The following SLC60A2 variants were observed in gnomAD, a reference collection of about 807,000 sequenced individuals.
SLC60A2 encodes the protein major facilitator superfamily domain containing 4B.
the SLC60A2 span, among the ~76,000 whole-genome samples, chr6:111,262,875 C>G: frequency 1.3e-5 from 2 of 152,100 alleles, no homozygotes; most frequent in African/African-American, 4.8e-5. Flanking sequence ...TTCCTGCTGC[C>G]CCATGTTGTC....
At chr6:111,263,428 T>C in the SLC60A2 span, among the ~76,000 whole-genome samples, 22,583 of 152,184 alleles carry the variant, frequency 0.15, 1,839 homozygotes, top group East Asian at 0.35. Context: ...CTAATTTATT[T>C]AGTAAATTTT....
chr6:111,279,439 G>T, the SLC60A2 span, among the ~76,000 whole-genome samples: 1 of 151,696 alleles, frequency 6.6e-6, no homozygotes, highest in Non-Finnish European at 1.5e-5. Flanking sequence ...TAGTAGAGAC[G>T]GGGTTTCACC....
the SLC60A2 span, among the ~76,000 whole-genome samples, chr6:111,260,390 C>T: frequency 6.6e-5 from 10 of 152,330 alleles, no homozygotes; most frequent in African/African-American, 2.4e-4. Context: ...CTTAATTTTG[C>T]AGATAAGGAA....
the SLC60A2 span, among the ~76,000 whole-genome samples, chr6:111,264,330 T>C: frequency 2.0e-5 from 3 of 152,186 alleles, no homozygotes; most frequent in African/African-American, 7.2e-5. Context: ...GAACTGTTAT[T>C]TGGCTGAGAA....
the SLC60A2 span, chr6:111,266,638 T>A: frequency 6.2e-7 from 1 of 1,614,236 alleles, no homozygotes; most frequent in South Asian, 1.1e-5. Context: ...GCATTTTTTG[T>A]AATTGGTGCT....
the SLC60A2 span, chr6:111,270,643 C>T: frequency 1.3e-5 from 2 of 152,154 alleles, no homozygotes; most frequent in Non-Finnish European, 2.9e-5. Flanking sequence ...AGATCAAGAC[C>T]ATCCTGGCTA....
the SLC60A2 span, among the ~76,000 whole-genome samples, chr6:111,272,509 A>ATTTT: frequency 1.7e-5 from 2 of 114,706 alleles, no homozygotes; most frequent in Non-Finnish European, 1.9e-5. Context: ...TTCTAACTGT[A>ATTTT]TTTTTTTTTT....
chr6:111,259,523 C>G, the SLC60A2 span: 1 of 553,548 alleles, frequency 1.8e-6, no homozygotes, highest in South Asian at 2.5e-5. Flanking sequence ...AAGACGACTT[C>G]TCCGGAGCCG....
the SLC60A2 span, chr6:111,266,342 T>C: frequency 1.2e-6 from 2 of 1,614,176 alleles, no homozygotes; most frequent in Non-Finnish European, 1.7e-6. Context: ...CCACCCATGC[T>C]GGCATGAAAG....
At chr6:111,274,506 C>A in the SLC60A2 span, among the ~76,000 whole-genome samples, 1 of 152,072 alleles carries the variant, frequency 6.6e-6, no homozygotes, top group Admixed American at 6.5e-5. Context: ...GAATTTAATC[C>A]GTTTACATTC....
chr6:111,268,928 C>T, the SLC60A2 span: 1 of 152,194 alleles, frequency 6.6e-6, no homozygotes, highest in Non-Finnish European at 1.5e-5. Flanking sequence ...TGAAAAATGA[C>T]AAGAATTGAT....
At chr6:111,277,597 A>G in the SLC60A2 span, among the ~76,000 whole-genome samples, 2 of 152,148 alleles carry the variant, frequency 1.3e-5, no homozygotes, top group Admixed American at 6.5e-5. Context: ...ATGTTTTTCT[A>G]TTTTAAGTAA....
the SLC60A2 span, chr6:111,267,254 A>G: frequency 3.8e-4 from 303 of 792,626 alleles, no homozygotes; most frequent in African/African-American, 4.9e-3. Flanking sequence ...AAATGCTAAA[A>G]ATTTTTGAAA....
chr6:111,279,610 G>T, the SLC60A2 span, among the ~76,000 whole-genome samples: 1 of 152,158 alleles, frequency 6.6e-6, no homozygotes. Context: ...TCACTCCACT[G>T]CTGCTTGGTC....
chr6:111,259,626 C>A, the SLC60A2 span: 5 of 1,489,842 alleles, frequency 3.4e-6, no homozygotes, highest in South Asian at 5.1e-5. Flanking sequence ...GGAGAATGAG[C>A]CGGAGCCGGA....
the SLC60A2 span, among the ~76,000 whole-genome samples, chr6:111,274,618 G>T: frequency 6.6e-6 from 1 of 151,974 alleles, no homozygotes; most frequent in Non-Finnish European, 1.5e-5. Flanking sequence ...GTTTATCACT[G>T]TGATTTTGTG....
the SLC60A2 span, among the ~76,000 whole-genome samples, chr6:111,271,910 G>A: frequency 6.7e-6 from 1 of 150,284 alleles, no homozygotes; most frequent in Non-Finnish European, 1.5e-5. Context: ...AGAGTTTACA[G>A]TAAGCTGAGA....
chr6:111,262,171 T>A, the SLC60A2 span: 1 of 1,146,610 alleles, frequency 8.7e-7, no homozygotes. Context: ...CCGCCCCCCT[T>A]TTTTTTTATA....
At chr6:111,259,706 G>C in the SLC60A2 span, 8 of 1,600,494 alleles carry the variant, frequency 5.0e-6, no homozygotes, top group Non-Finnish European at 6.8e-6. Context: ...CCTTGATGCT[G>C]TGTGCCTCCT....
Sources: gnomAD v4.1 joint callset for allele counts (sites outside exome capture counted in the v4.1 genomes callset) on GRCh38, gnomAD v4.1.1 for gene constraint, MANE v1.5 for transcripts, NCBI Gene and HGNC (gene_info 2026-07-23, HGNC 2026-07-21) for gene names.